Variants in PTPRN2 observed in about 807,000 individuals in gnomAD.
The protein encoded by PTPRN2 is receptor-type tyrosine-protein phosphatase N2.
Under a neutral mutation model 118.8 loss-of-function variants are expected in PTPRN2, and 74 were observed. The ratio of observed to expected loss-of-function variants is 0.62; its 90% CI spans 0.52 to 0.76. The LOEUF (loss-of-function observed/expected upper bound fraction) is 0.76, where lower values mean the gene tolerates loss of function less well. Ranked by LOEUF, PTPRN2 falls within the 30% of genes least tolerant of loss-of-function variation. The probability of loss-of-function intolerance (pLI) is 0.00; values close to 1 mark genes in which losing one functional copy is unlikely to be tolerated. For synonymous variants in PTPRN2, 641 were observed against 608.0 expected (o/e 1.05, Z -0.80); for missense variants, 1,481 against 1,394.4 (o/e 1.06, Z -0.99).
At chr7:157,586,334 T>C (rs547916507) in intron 17 of PTPRN2, among the ~76,000 whole-genome samples, 172 of 152,200 alleles carry the variant, frequency 1.1e-3, no homozygotes, top group African/African-American at 4.0e-3. Context: ...CTCCCTTCAC[T>C]CCAGAGTCAG....
Position 157,696,852 on chromosome 7 carries a change from G to A in PTPRN2, c.1789-13915C>T, listed in dbSNP as rs71542599. 3.0e-3 allele frequency among the ~76,000 whole-genome samples: 160 copies of A among 53,608 alleles called. 3 individuals are homozygous for A. Among genetic ancestry groups the A allele is most frequent in the East Asian group, 8.3e-3 (7 of 840 alleles). 35.2% of individuals were successfully genotyped at this position (53,608 alleles called of 152,430 possible). A position where few individuals can be genotyped will look rare whatever the true frequency, so the allele number is the denominator to read the frequency against. ...ACTGGGTCTTGGCAGAGCCCTCACC[G>A]TCTACACATGCATACTGGGTCTTGG... On this transcript the variant is annotated intron_variant, in intron 12 of 22. Coordinates refer to ENST00000389418, the MANE Select transcript of PTPRN2 (RefSeq NM_002847.5).
Position 158,071,537 on chromosome 7 carries a change from GA to G in PTPRN2, c.1723+9760del, listed in dbSNP as rs1451596964. ...TCGTGGTGGTGGAGATGCTCGTGAT[GA>G]TGGAGGTGCTCCTGGTGGTGGAGGT... On this transcript the variant is annotated intron_variant, in intron 11 of 22. Coordinates refer to ENST00000389418, the MANE Select transcript of PTPRN2 (RefSeq NM_002847.5). Among the ~76,000 whole-genome samples, 80 of 129,564 alleles carry G rather than the reference GA, an allele frequency of 6.2e-4. 7 individuals are homozygous for G. The highest frequency in any genetic ancestry group is 2.2e-3 in the African/African-American group (73 of 33,826). 85.0% of individuals were successfully genotyped at this position (129,564 alleles called of 152,430 possible). A position where few individuals can be genotyped will look rare whatever the true frequency, so the allele number is the denominator to read the frequency against.
chr7:157,548,130 C>T (rs1022726486), intron 22 of PTPRN2, among the ~76,000 whole-genome samples: 19 of 152,118 alleles, frequency 1.2e-4, no homozygotes, highest in African/African-American at 4.1e-4. Flanking sequence ...GCAGGAGAAT[C>T]GCTTTAACCT....
chr7:157,649,441 C>T (rs569165482), intron 14 of PTPRN2, among the ~76,000 whole-genome samples: 8 of 141,718 alleles, frequency 5.6e-5, no homozygotes, highest in Admixed American at 4.2e-4. Context: ...GCACTGAACT[C>T]GGTGGGTCAG....
rs115020510 is a variant in PTPRN2, at chr7:158,439,872, A to G, written c.163+49863T>C. Among the ~76,000 whole-genome samples the G allele has an allele frequency of 5.3e-3, 809 of 152,332 alleles. 10 individuals carry two copies. Among genetic ancestry groups the G allele is most frequent in the African/African-American group, 0.015 (609 of 41,580 alleles). On this transcript the variant is annotated intron_variant, in intron 2 of 22. Transcript: ENST00000389418. ...TTGGAAATAATTCTGCAATGTGGAA[A>G]TAATTTTGCAACGTGGAAATACTGA...
At chr7:158,071,191 ATGGTGGTGGAGGTGCTCG>A (rs1212106843) in intron 11 of PTPRN2, among the ~76,000 whole-genome samples, 2 of 5,800 alleles carry the variant, frequency 3.4e-4, no homozygotes, top group African/African-American at 1.7e-3. Context: ...GGAGGTGCTC[ATGGTGGTGGAGGTGCTCG>A]TGGTGGTGGA....
intron 2 of PTPRN2, among the ~76,000 whole-genome samples, chr7:158,356,226 C>T (rs533253684): frequency 1.3e-5 from 2 of 152,286 alleles, no homozygotes; most frequent in South Asian, 4.1e-4. Flanking sequence ...AAAATTTCCT[C>T]GGGAATCTAA....
chr7:157,957,444 C>G (rs1056099519), intron 11 of PTPRN2, among the ~76,000 whole-genome samples: 3 of 151,918 alleles, frequency 2.0e-5, no homozygotes, highest in African/African-American at 7.3e-5. Flanking sequence ...AGCATTATGG[C>G]CAAATAATCC....
chr7:158,538,129 G>A (rs1265874494), intron 1 of PTPRN2, among the ~76,000 whole-genome samples: 11 of 152,212 alleles, frequency 7.2e-5, no homozygotes, highest in African/African-American at 2.4e-4. Context: ...GGACGCTGGC[G>A]GAAAAGAGCA....
chr7:157,572,123 T>C (rs1170759658), intron 19 of PTPRN2, among the ~76,000 whole-genome samples: 1 of 152,224 alleles, frequency 6.6e-6, no homozygotes. Flanking sequence ...GAAATGAGCA[T>C]ATATTTAAGA....
At chr7:158,407,084 C>G (rs562518668) in intron 2 of PTPRN2, among the ~76,000 whole-genome samples, 4 of 152,178 alleles carry the variant, frequency 2.6e-5, no homozygotes, top group Non-Finnish European at 5.9e-5. Flanking sequence ...GTGAGGAGGT[C>G]GGGCTGCAGA....
At chr7:158,152,474 T>G (rs531119606) in intron 6 of PTPRN2, among the ~76,000 whole-genome samples, 3 of 152,154 alleles carry the variant, frequency 2.0e-5, no homozygotes, top group African/African-American at 7.2e-5. Flanking sequence ...GTGTCCAGAA[T>G]GCAGCCCCAC....
Position 158,574,203 on chromosome 7 carries a change from CAT to C in PTPRN2, c.112+13353_112+13354del, listed in dbSNP as rs1828202902. ...ATTGTGCATCGAGACAGCAAATAAC[CAT>C]AGATTGAAGCTCTCCAGATTAGACA... On this transcript the variant is annotated intron_variant, in intron 1 of 22. Transcript: ENST00000389418. The surrounding 1 kb of genome is among the most constrained non-coding windows in gnomAD (Gnocchi z 4.6). 6.6e-6 allele frequency among the ~76,000 whole-genome samples: 1 copy of C among 152,040 alleles called. No individual in the cohort carries two copies. Among genetic ancestry groups the C allele is most frequent in the African/African-American group, 2.4e-5 (1 of 41,382 alleles).
intron 2 of PTPRN2, among the ~76,000 whole-genome samples, chr7:158,336,393 C>G (rs1203714440): frequency 1.4e-5 from 2 of 140,088 alleles, no homozygotes; most frequent in African/African-American, 2.7e-5. Context: ...AGACGTCACT[C>G]ACACCCACAC....
intron 9 of PTPRN2, among the ~76,000 whole-genome samples, chr7:158,129,436 A>G (rs1047607399): frequency 2.1e-5 from 3 of 145,464 alleles, no homozygotes; most frequent in Non-Finnish European, 4.5e-5. Context: ...CATGCAGCAT[A>G]CTACATACCA....
At chr7:158,238,176 G>C (rs1395347875) in intron 3 of PTPRN2, among the ~76,000 whole-genome samples, 1 of 152,104 alleles carries the variant, frequency 6.6e-6, no homozygotes, top group African/African-American at 2.4e-5. Flanking sequence ...GACGCCCTGG[G>C]CTTGGCTGGG....
At chr7:158,169,889 G>A (rs575282367) in intron 5 of PTPRN2, among the ~76,000 whole-genome samples, 11 of 141,336 alleles carry the variant, frequency 7.8e-5, no homozygotes, top group Non-Finnish European at 1.4e-4. Context: ...ATGGGGTTTC[G>A]CCATGTTGGC....
intron 15 of PTPRN2, among the ~76,000 whole-genome samples, chr7:157,605,209 C>G (rs2150584646): frequency 6.6e-6 from 1 of 152,354 alleles, no homozygotes; most frequent in East Asian, 1.9e-4. Context: ...CCACACCAGT[C>G]AGGCACGCTG....
chr7:158,069,614 C>T (rs1001346753), intron 11 of PTPRN2, among the ~76,000 whole-genome samples: 2 of 152,176 alleles, frequency 1.3e-5, no homozygotes, highest in African/African-American at 4.8e-5. Context: ...CACGCCCCAC[C>T]TCCTCCATTC....
Sources: gnomAD v4.1 joint callset for allele counts (sites outside exome capture counted in the v4.1 genomes callset) on GRCh38, gnomAD v4.1.1 for gene constraint, Gnocchi (gnomAD v3.1) non-coding constraint, MANE v1.5 for transcripts, NCBI Gene and HGNC (gene_info 2026-07-23, HGNC 2026-07-21) for gene names.